The following POC1B variants were observed in gnomAD, a reference collection of about 807,000 sequenced individuals.
POC1B encodes the protein POC1 centriolar protein homolog B.
POC1B carries 44 observed loss-of-function variants against 60.6 expected under a neutral mutation model. The observed-to-expected ratio is 0.73, with a 90% CI of 0.57 to 0.93. The LOEUF is 0.93. Among genes scored for constraint, POC1B ranks in the 40% least tolerant of loss-of-function variants. The pLI is 0.00. For synonymous variants in POC1B, 180 were observed against 198.9 expected (o/e 0.90, Z 0.80); for missense variants, 555 against 572.3 (o/e 0.97, Z 0.31).
intron 10 of POC1B, among the ~76,000 whole-genome samples, chr12:89,444,864 C>T (rs1881704728): frequency 6.6e-6 from 1 of 152,200 alleles, no homozygotes; most frequent in African/African-American, 2.4e-5. Context: ...ACCCCATCGT[C>T]TCAGCCCAAA....
At chr12:89,506,815 G>A (rs865872648) in intron 2 of POC1B, among the ~76,000 whole-genome samples, 4 of 152,098 alleles carry the variant, frequency 2.6e-5, no homozygotes, top group African/African-American at 7.2e-5. Context: ...TTCCTGGGTC[G>A]AGTAGGGGCT....
At chr12:89,460,916 A>T (rs1205057531) in intron 9 of POC1B, 1 of 152,222 alleles carries the variant, frequency 6.6e-6, no homozygotes, top group Non-Finnish European at 1.5e-5. Context: ...AAATTGAAAC[A>T]TTATGAATAC....
At chr12:89,441,880 GATTAGACGA>G (rs1402551746) in intron 10 of POC1B, among the ~76,000 whole-genome samples, 1 of 152,146 alleles carries the variant, frequency 6.6e-6, no homozygotes, top group Non-Finnish European at 1.5e-5. Context: ...CTTGAAAAAA[GATTAGACGA>G]ATGGCTAACT....
the POC1B span, among the ~76,000 whole-genome samples, chr12:89,407,759 G>A: frequency 8.5e-4 from 129 of 152,248 alleles, no homozygotes; most frequent in Non-Finnish European, 1.6e-3. Flanking sequence ...TTACAATGAG[G>A]CTAAAACACC....
chr12:89,410,775 A>G, the POC1B span, among the ~76,000 whole-genome samples: 1 of 152,222 alleles, frequency 6.6e-6, no homozygotes, highest in Non-Finnish European at 1.5e-5. Flanking sequence ...GGCCAAGGCA[A>G]TCAGTCAAGA....
chr12:89,429,651 G>T (rs558899163), intron 10 of POC1B, among the ~76,000 whole-genome samples: 1 of 152,124 alleles, frequency 6.6e-6, no homozygotes, highest in African/African-American at 2.4e-5. Context: ...CGCTCTCAAG[G>T]ATTCCCTGTT....
At chr12:89,416,068 T>C (rs760827726), downstream of POC1B, among the ~76,000 whole-genome samples, 4 of 152,150 alleles carry the variant, frequency 2.6e-5, no homozygotes, top group Admixed American at 6.6e-5. Context: ...AAATAAAAAA[T>C]ACTCATTTAT....
At chr12:89,453,131 T>C (rs1882121885) in intron 10 of POC1B, among the ~76,000 whole-genome samples, 1 of 152,226 alleles carries the variant, frequency 6.6e-6, no homozygotes, top group Non-Finnish European at 1.5e-5. Context: ...ATCATGTATG[T>C]TCTGTTTTTT....
chr12:89,496,990 GA>G (rs1294765485), intron 3 of POC1B, 180 bp downstream of exon 3: 19 of 646,440 alleles, frequency 2.9e-5, no homozygotes, highest in South Asian at 2.3e-5. Context: ...TTTTCAAAAA[GA>G]AGACATAATT....
downstream of POC1B, among the ~76,000 whole-genome samples, chr12:89,417,732 G>A (rs1299392508): frequency 6.6e-6 from 1 of 152,186 alleles, no homozygotes; most frequent in Admixed American, 6.5e-5. Context: ...CACTAAGAAG[G>A]AAGTGATAGT....
intron 2 of POC1B, chr12:89,500,354 C>G (rs1202403016): frequency 2.0e-6 from 3 of 1,507,730 alleles, no homozygotes; most frequent in African/African-American, 2.8e-5. Flanking sequence ...GTCAGTTCCA[C>G]TTTCTTCAAG....
At chr12:89,481,862 G>C (rs1042514806) in intron 4 of POC1B, among the ~76,000 whole-genome samples, 2 of 152,064 alleles carry the variant, frequency 1.3e-5, no homozygotes, top group Non-Finnish European at 2.9e-5. Context: ...AGGGCCAGTG[G>C]CACTACAGCC....
intron 9 of POC1B, among the ~76,000 whole-genome samples, chr12:89,464,358 G>T (rs1206165875): frequency 1.3e-5 from 2 of 151,830 alleles, no homozygotes; most frequent in African/African-American, 2.4e-5. Flanking sequence ...CTTAGTGAGG[G>T]ATCCATATTT....
At position 89,525,952 on chromosome 12, in the gene POC1B, G is replaced by A. The variant is rs1177055979; in HGVS notation, c.-57C>T. ...GTGGGGGAACCCGGAGAGGGGAGGGGAGAGGATGGGGAAGGAGAGGGGACC... is the reference window on the plus strand; with the variant it reads ...GTGGGGGAACCCGGAGAGGGGAGGGAAGAGGATGGGGAAGGAGAGGGGACC... On this transcript the variant is annotated 5_prime_UTR_variant, in exon 1 of 12. Transcript: ENST00000313546. The A allele has an allele frequency of 1.2e-5, 18 of 1,541,586 alleles. No homozygotes were observed. Among genetic ancestry groups the A allele is most frequent in the Admixed American group, 2.0e-5 (1 of 50,120 alleles).
rs555811078 is a variant in POC1B at position 89,513,394 on chromosome 12, C to T, written c.100+11726G>A. On this transcript the variant is annotated intron_variant, in intron 2 of 11. Transcript: ENST00000313546. ...TTGTTCTTTACCATCATTTGTTGTACAAGCACACCACATGTTACAGGATTG... is the reference window on the plus strand; with the variant it reads ...TTGTTCTTTACCATCATTTGTTGTATAAGCACACCACATGTTACAGGATTG... Among the ~76,000 whole-genome samples, 14 of 152,108 alleles carry T rather than the reference C, an allele frequency of 9.2e-5. No individual in the cohort carries two copies. In the South Asian group the frequency reaches 1.7e-3, roughly 18 times the overall value.
At chr12:89,486,867 AT>A (rs1868660506) in intron 4 of POC1B, among the ~76,000 whole-genome samples, 1 of 151,878 alleles carries the variant, frequency 6.6e-6, no homozygotes, top group Non-Finnish European at 1.5e-5. Context: ...GGAAAAGGCA[AT>A]TTTTAAAAAC....
At chr12:89,517,278 C>A (rs1284596451) in intron 2 of POC1B, among the ~76,000 whole-genome samples, 1 of 152,196 alleles carries the variant, frequency 6.6e-6, no homozygotes, top group Non-Finnish European at 1.5e-5. Context: ...CTAACTTTCA[C>A]AGGGAAGTAT....
chr12:89,452,906 C>T (rs928346575), intron 10 of POC1B, among the ~76,000 whole-genome samples: 11 of 152,098 alleles, frequency 7.2e-5, no homozygotes, highest in Non-Finnish European at 1.0e-4. Flanking sequence ...CCATCACATT[C>T]GCAACTGTTA....
At chr12:89,506,394 T>C (rs1869897556) in intron 2 of POC1B, among the ~76,000 whole-genome samples, 1 of 152,232 alleles carries the variant, frequency 6.6e-6, no homozygotes, top group South Asian at 2.1e-4. Context: ...GTTTTCTCTG[T>C]TAGTAGTAAC....
Sources: gnomAD v4.1 joint callset for allele counts (sites outside exome capture counted in the v4.1 genomes callset) on GRCh38, gnomAD v4.1.1 for gene constraint, MANE v1.5 for transcripts, NCBI Gene and HGNC (gene_info 2026-07-23, HGNC 2026-07-21) for gene names.